The following KLF12 variants were observed in gnomAD, a reference collection of about 807,000 sequenced individuals.
KLF12 encodes the protein Krueppel-like factor 12.
In KLF12, 9 loss-of-function variants were observed where a neutral mutation model predicts 37.8. The ratio of observed to expected loss-of-function variants is 0.24; its 90% CI spans 0.14 to 0.42. The LOEUF is 0.42. Among genes scored for constraint, KLF12 ranks in the 10% least tolerant of loss-of-function variants. KLF12 has a pLI of 1.00. For missense variants in KLF12, 411 were observed against 516.0 expected, an observed-to-expected ratio of 0.80 and a Z score of 1.97; for synonymous variants, 208 against 202.1, an observed-to-expected ratio of 1.03 and a Z score of -0.25.
chr13:74,047,297 C>T (rs1359513185), intron 1 of KLF12, among the ~76,000 whole-genome samples: 1 of 151,968 alleles, frequency 6.6e-6, no homozygotes, highest in Non-Finnish European at 1.5e-5. Flanking sequence ...AAAGTGCTTG[C>T]TTTAAAAAGC....
intron 2 of KLF12, among the ~76,000 whole-genome samples, chr13:73,962,668 C>A (rs1891054963): frequency 6.6e-6 from 1 of 152,144 alleles, no homozygotes; most frequent in South Asian, 2.1e-4. Flanking sequence ...TTTTAAAAAT[C>A]TCTTCGCAAG....
At chr13:73,933,822 T>G (rs958312478) in intron 3 of KLF12, among the ~76,000 whole-genome samples, 3 of 151,540 alleles carry the variant, frequency 2.0e-5, no homozygotes, top group East Asian at 1.9e-4. Context: ...TCAAAAAATG[T>G]TTTTTTTTAA....
At chr13:73,890,305 C>T (rs1184126820) in intron 3 of KLF12, among the ~76,000 whole-genome samples, 2 of 152,010 alleles carry the variant, frequency 1.3e-5, no homozygotes, top group African/African-American at 4.8e-5. Context: ...TAATGAAAGT[C>T]AGCCTTAAAA....
At chr13:74,242,621 G>A in the KLF12 span, among the ~76,000 whole-genome samples, 31 of 152,200 alleles carry the variant, frequency 2.0e-4, no homozygotes, top group Non-Finnish European at 3.5e-4. Context: ...GTTTATATGA[G>A]ACGTAACAAA....
the KLF12 span, among the ~76,000 whole-genome samples, chr13:74,260,628 T>TAAAATAAAATG: frequency 0.013 from 1,864 of 140,060 alleles, 101 homozygotes; most frequent in Middle Eastern, 0.022. Flanking sequence ...TAAAATAAAA[T>TAAAATAAAATG]AGTGAATTAA....
the KLF12 span, among the ~76,000 whole-genome samples, chr13:74,263,362 C>T: frequency 6.6e-6 from 1 of 152,112 alleles, no homozygotes; most frequent in Non-Finnish European, 1.5e-5. Context: ...TTGTATGCAG[C>T]AAGAGATTAA....
At chr13:73,927,863 CTTTT>C (rs61339045) in intron 3 of KLF12, among the ~76,000 whole-genome samples, 2 of 133,844 alleles carry the variant, frequency 1.5e-5, no homozygotes, top group Admixed American at 1.5e-4. Flanking sequence ...GCTGGGATCT[CTTTT>C]TTTTTTTTTC....
chr13:74,090,320 C>G (rs1875573756), intron 1 of KLF12, among the ~76,000 whole-genome samples: 1 of 151,804 alleles, frequency 6.6e-6, no homozygotes. Context: ...TCCTGTATTC[C>G]CAGATTGGAA....
chr13:73,968,628 C>T (rs1891238234), intron 2 of KLF12, among the ~76,000 whole-genome samples: 1 of 152,134 alleles, frequency 6.6e-6, no homozygotes, highest in African/African-American at 2.4e-5. Context: ...ACACTGACCA[C>T]TTAAGAAAGT....
chr13:73,708,167 G>GTA (rs1193390315), intron 7 of KLF12, among the ~76,000 whole-genome samples: 2 of 152,088 alleles, frequency 1.3e-5, no homozygotes, highest in African/African-American at 4.8e-5. Flanking sequence ...CTTCCTTAAT[G>GTA]TACAAAATTC....
chr13:74,226,811 A>G, the KLF12 span, among the ~76,000 whole-genome samples: 1 of 152,076 alleles, frequency 6.6e-6, no homozygotes, highest in African/African-American at 2.4e-5. Context: ...TCATTCCTCA[A>G]CATTCTGCCC....
chr13:74,220,763 G>A, the KLF12 span, among the ~76,000 whole-genome samples: 1 of 152,028 alleles, frequency 6.6e-6, no homozygotes, highest in Admixed American at 6.6e-5. Flanking sequence ...AAGATCATGA[G>A]GTATTTGTGT....
chr13:73,751,047 G>A (rs909108294), intron 6 of KLF12, among the ~76,000 whole-genome samples: 1 of 152,120 alleles, frequency 6.6e-6, no homozygotes, highest in African/African-American at 2.4e-5. Context: ...ATCACTGTAG[G>A]CATGGCAATG....
At chr13:74,168,099 C>T in the KLF12 span, among the ~76,000 whole-genome samples, 3 of 152,164 alleles carry the variant, frequency 2.0e-5, no homozygotes, top group Non-Finnish European at 4.4e-5. Flanking sequence ...ATTGAGGTAA[C>T]TATCATTATA....
At chr13:74,113,670 T>C (rs1008587186) in intron 1 of KLF12, among the ~76,000 whole-genome samples, 1 of 152,228 alleles carries the variant, frequency 6.6e-6, no homozygotes, top group Admixed American at 6.5e-5. Context: ...CACAGACGTA[T>C]GTAGAACTAG....
chr13:74,305,538 G>A, the KLF12 span, among the ~76,000 whole-genome samples: 4 of 152,022 alleles, frequency 2.6e-5, no homozygotes, highest in Admixed American at 6.6e-5. Flanking sequence ...ATCTGTGAGG[G>A]CAGGAATTAC....
the KLF12 span, among the ~76,000 whole-genome samples, chr13:74,151,250 TATTTTTGTATTAC>T: frequency 1.1e-4 from 16 of 152,202 alleles, no homozygotes; most frequent in African/African-American, 3.6e-4. Flanking sequence ...ATTTGGGGAA[TATTTTTGTATTAC>T]ATTTTTATTT....
intron 6 of KLF12, among the ~76,000 whole-genome samples, chr13:73,717,549 T>C (rs1444640516): frequency 1.3e-5 from 2 of 152,228 alleles, no homozygotes; most frequent in Non-Finnish European, 2.9e-5. Flanking sequence ...CTTTTACTAA[T>C]AAATTAGGCA....
the KLF12 span, among the ~76,000 whole-genome samples, chr13:74,264,636 C>T: frequency 6.6e-6 from 1 of 152,150 alleles, no homozygotes; most frequent in African/African-American, 2.4e-5. Context: ...GTCCTTCCCA[C>T]TCTTAAGTCA....
Sources: gnomAD v4.1 joint callset for allele counts (sites outside exome capture counted in the v4.1 genomes callset) on GRCh38, gnomAD v4.1.1 for gene constraint, MANE v1.5 for transcripts, NCBI Gene and HGNC (gene_info 2026-07-23, HGNC 2026-07-21) for gene names.